The following CARMIL1 variants were observed in gnomAD, a reference collection of about 807,000 sequenced individuals.
CARMIL1 encodes F-actin-uncapping protein LRRC16A.
In CARMIL1, 90 loss-of-function variants were observed where a neutral mutation model predicts 177.1. The observed-to-expected ratio is 0.51, with a 90% CI of 0.43 to 0.61. CARMIL1 has a LOEUF of 0.61. Ranked by LOEUF, CARMIL1 falls within the 20% of genes least tolerant of loss-of-function variation. The pLI is 0.00. For synonymous variants in CARMIL1, 577 were observed against 606.2 expected, an observed-to-expected ratio of 0.95 and a Z score of 0.71; for missense variants, 1,380 against 1,667.0, an observed-to-expected ratio of 0.83 and a Z score of 3.00.
intron 2 of CARMIL1, among the ~76,000 whole-genome samples, chr6:25,288,935 G>A (rs867433099): frequency 2.0e-5 from 3 of 152,192 alleles, no homozygotes; most frequent in Non-Finnish European, 4.4e-5. Flanking sequence ...TACTGCATGA[G>A]TTTTCAGAGC....
At chr6:25,596,379 C>A (rs1012131086) in intron 32 of CARMIL1, among the ~76,000 whole-genome samples, 1 of 151,950 alleles carries the variant, frequency 6.6e-6, no homozygotes, top group African/African-American at 2.4e-5. Context: ...TGAAGTAGTA[C>A]GAAGAAAGTT....
chr6:25,412,298 G>T (rs938065808), intron 2 of CARMIL1, among the ~76,000 whole-genome samples: 1 of 152,252 alleles, frequency 6.6e-6, no homozygotes, highest in African/African-American at 2.4e-5. Context: ...AGAGAGCCTG[G>T]TGCAGTGGCT....
intron 1 of CARMIL1, 143 bp downstream of exon 1, chr6:25,279,978 G>T (rs1250692177): frequency 1.0e-6 from 1 of 977,538 alleles, no homozygotes; most frequent in African/African-American, 1.6e-5. Flanking sequence ...GGTCACTGGG[G>T]GTGCCGGGAA....
chr6:25,574,694 C>T (rs1338596578), intron 29 of CARMIL1, among the ~76,000 whole-genome samples: 1 of 152,124 alleles, frequency 6.6e-6, no homozygotes, highest in African/African-American at 2.4e-5. Context: ...TGGCATCGTA[C>T]CACGTGTATC....
At chr6:25,471,458 C>A (rs1277546819) in intron 10 of CARMIL1, among the ~76,000 whole-genome samples, 2 of 151,954 alleles carry the variant, frequency 1.3e-5, no homozygotes, top group Non-Finnish European at 2.9e-5. Flanking sequence ...ATAACGGTGT[C>A]ACTTGATATT....
chr6:25,445,926 A>G (rs1315875461), intron 5 of CARMIL1, among the ~76,000 whole-genome samples: 1 of 152,216 alleles, frequency 6.6e-6, no homozygotes, highest in Non-Finnish European at 1.5e-5. Flanking sequence ...CTTCTCCATC[A>G]GAACTCTTGT....
chr6:25,358,478 G>T (rs1788861293), intron 2 of CARMIL1, among the ~76,000 whole-genome samples: 1 of 152,112 alleles, frequency 6.6e-6, no homozygotes, highest in Non-Finnish European at 1.5e-5. Flanking sequence ...CTATTGTTTT[G>T]GGGGTGGGGT....
intron 4 of CARMIL1, among the ~76,000 whole-genome samples, chr6:25,432,254 A>G (rs1035452175): frequency 2.0e-5 from 3 of 152,330 alleles, no homozygotes; most frequent in African/African-American, 7.2e-5. Context: ...GGATGGGAAT[A>G]TCTACCAGTG....
At chr6:25,547,493 G>A (rs557915446) in intron 26 of CARMIL1, among the ~76,000 whole-genome samples, 84 of 152,298 alleles carry the variant, frequency 5.5e-4, no homozygotes, top group African/African-American at 2.0e-3. Flanking sequence ...ATATTCAAAT[G>A]TTAGAAATGA....
rs920419159 is a variant in CARMIL1, at chr6:25,418,454, C to T, written c.139-1660C>T. Reference sequence around the variant, plus strand: ...ACTACCGAGCTGCACTTGACCTCCCCGCACTCATCCTGGCCATACTTCATC... The same window carrying T: ...ACTACCGAGCTGCACTTGACCTCCCTGCACTCATCCTGGCCATACTTCATC... On this transcript the variant is annotated intron_variant, in intron 2 of 36. Transcript: ENST00000329474. Among the ~76,000 whole-genome samples, 5 of 152,036 alleles carry T rather than the reference C, an allele frequency of 3.3e-5. No homozygotes were observed. In the South Asian group the frequency reaches 8.3e-4, roughly 25 times the overall value.
chr6:25,526,541 C>T (rs1010382196), intron 23 of CARMIL1, among the ~76,000 whole-genome samples: 6 of 151,230 alleles, frequency 4.0e-5, no homozygotes, highest in Non-Finnish European at 8.8e-5. Context: ...CTCTCCTCTC[C>T]TTCTCTTCTG....
chr6:25,351,190 T>C (rs1788073563), intron 2 of CARMIL1, among the ~76,000 whole-genome samples: 3 of 152,166 alleles, frequency 2.0e-5, no homozygotes. Flanking sequence ...GAGTATAAAA[T>C]ACACTCTAGA....
At chr6:25,411,703 G>GA (rs572765297) in intron 2 of CARMIL1, among the ~76,000 whole-genome samples, 2 of 152,200 alleles carry the variant, frequency 1.3e-5, no homozygotes. Flanking sequence ...TGAATTAGGT[G>GA]AAAATAAATG....
At chr6:25,424,173 C>G (rs1796099243) in intron 3 of CARMIL1, among the ~76,000 whole-genome samples, 1 of 152,166 alleles carries the variant, frequency 6.6e-6, no homozygotes, top group Non-Finnish European at 1.5e-5. Flanking sequence ...AGGATCTGCT[C>G]CTTTTAGTTT....
At chr6:25,539,625 C>CAAA (rs11304932) in intron 25 of CARMIL1, among the ~76,000 whole-genome samples, 31 of 55,740 alleles carry the variant, frequency 5.6e-4, no homozygotes, top group Middle Eastern at 0.023. Context: ...AACTCCATCT[C>CAAA]AAAAAAAAAA....
intron 23 of CARMIL1, among the ~76,000 whole-genome samples, chr6:25,523,914 A>G (rs571511425): frequency 2.0e-5 from 3 of 152,228 alleles, no homozygotes; most frequent in Non-Finnish European, 4.4e-5. Flanking sequence ...TTAAGAGCCA[A>G]AAACTCCTAG....
intron 31 of CARMIL1, among the ~76,000 whole-genome samples, chr6:25,593,467 T>C (rs1016034110): frequency 2.0e-5 from 3 of 152,210 alleles, no homozygotes; most frequent in African/African-American, 7.2e-5. Context: ...TGGGTTATTG[T>C]ATTATTAGTT....
At chr6:25,569,560 T>G (rs556264546) in intron 29 of CARMIL1, among the ~76,000 whole-genome samples, 6 of 152,344 alleles carry the variant, frequency 3.9e-5, no homozygotes, top group African/African-American at 1.4e-4. Context: ...TTTATTTGAC[T>G]CAAGTTTCTT....
intron 29 of CARMIL1, among the ~76,000 whole-genome samples, chr6:25,560,509 T>C (rs1402525146): frequency 1.3e-5 from 2 of 152,184 alleles, no homozygotes; most frequent in Admixed American, 1.3e-4. Context: ...GTTCAGGCAC[T>C]ATTCTGAGCT....
Sources: gnomAD v4.1 joint callset for allele counts (sites outside exome capture counted in the v4.1 genomes callset) on GRCh38, gnomAD v4.1.1 for gene constraint, MANE v1.5 for transcripts, NCBI Gene and HGNC (gene_info 2026-07-23, HGNC 2026-07-21) for gene names.